Variants in TRIP11 observed in about 807,000 individuals in gnomAD.
TRIP11 encodes the protein thyroid hormone receptor interactor 11.
TRIP11 carries 148 observed loss-of-function variants against 223.1 expected under a neutral mutation model. The observed-to-expected ratio is 0.66, with a 90% CI of 0.58 to 0.76. The LOEUF (loss-of-function observed/expected upper bound fraction) is 0.76. TRIP11 is among the 30% of genes least tolerant of loss of function. The probability of loss-of-function intolerance (pLI) is 0.00; values close to 1 mark genes in which losing one functional copy is unlikely to be tolerated. For synonymous variants in TRIP11, 762 were observed against 772.6 expected (o/e 0.99, Z 0.23); for missense variants, 2,043 against 2,222.0 (o/e 0.92, Z 1.62).
intron 15 of TRIP11, 142 bp from the exon 16 acceptor site, chr14:91,988,525 A>G (rs2056631667): frequency 1.7e-5 from 12 of 687,550 alleles, no homozygotes; most frequent in South Asian, 1.7e-4. Flanking sequence ...TATCCAACCA[A>G]TAAGTATCAA....
Position 92,003,428 on chromosome 14 carries a change from C to T in TRIP11, c.4548G>A (p.Glu1516=). ...TCCATCCAGAACACACCTGTTCTTTCTCTTTCAATAGCTGTTCAAAAGCAA... is the reference window on the plus strand; with the variant it reads ...TCCATCCAGAACACACCTGTTCTTTTTCTTTCAATAGCTGTTCAAAAGCAA... ...KALAFEQLLK[E]KEQGKTGELN... is the part of the protein sequence containing the mutation. Residue 1516 remains glutamate, a synonymous_variant, in exon 11 of 21, where the codon GAG becomes GAA. Coordinates refer to ENST00000267622, the MANE Select transcript of TRIP11 (RefSeq NM_004239.4). 2 of 1,613,340 alleles carry T rather than the reference C, an allele frequency of 1.2e-6. No homozygotes were observed. The highest frequency in any genetic ancestry group is 1.7e-6 in the Non-Finnish European group (2 of 1,180,002).
chr14:92,007,376 T>C lies in TRIP11; in HGVS notation c.1527+264A>G, dbSNP rs1035052065. Among the ~76,000 whole-genome samples, 25 of 152,220 alleles carry C rather than the reference T, an allele frequency of 1.6e-4. 1 individual carries two copies. On this transcript the variant is annotated intron_variant, in intron 10 of 20. Transcript: ENST00000267622. ...AGTAAGAGTCAACGAACTATAGCCA[T>C]TGGCCAACTCAGGGATGCTGCCTGT... is the stretch of plus-strand genomic sequence containing the variant.
At chr14:92,011,505 A>AC (rs1425602853) in intron 8 of TRIP11, among the ~76,000 whole-genome samples, 2 of 150,768 alleles carry the variant, frequency 1.3e-5, no homozygotes, top group African/African-American at 4.8e-5. Context: ...AAAAAAAAAA[A>AC]AAAAGAATGC....
chr14:91,994,077 T>A (rs2056716601), intron 14 of TRIP11, among the ~76,000 whole-genome samples, 165 bp from the exon 15 acceptor site: 1 of 152,148 alleles, frequency 6.6e-6, no homozygotes, highest in Admixed American at 6.5e-5. Context: ...ACTAATGAGA[T>A]CACTTTCCTC....
At position 92,015,469 on chromosome 14, in the gene TRIP11, G is replaced by A. The variant is rs1414774406; in HGVS notation, c.823+227C>T. ...AGATCACGAGTTTGGGACCAGCCTG[G>A]CCAATATGGCGAAACCCTATTGCTA... On this transcript the variant is annotated intron_variant, in intron 6 of 20. Coordinates refer to ENST00000267622, the MANE Select transcript of TRIP11 (RefSeq NM_004239.4). Among the ~76,000 whole-genome samples, 7 of 151,920 alleles carry A rather than the reference G, an allele frequency of 4.6e-5. No homozygotes were observed. The East Asian group carries it at 1.4e-3, about 30-fold the overall frequency.
Position 92,009,346 on chromosome 14 carries a change from T to C in TRIP11, c.1315-1494A>G, listed in dbSNP as rs2140123404. ...CCACACTCGGCCCTCATAGGCACTT[T>C]TGGTATTCTTAATCAGTAAGCAGAC... On this transcript the variant is annotated intron_variant, in intron 9 of 20. Coordinates refer to ENST00000267622, the MANE Select transcript of TRIP11 (RefSeq NM_004239.4). Among the ~76,000 whole-genome samples the C allele has an allele frequency of 1.3e-5, 2 of 152,228 alleles. 1 individual carries two copies. The highest frequency in any genetic ancestry group is 6.8e-3 in the Middle Eastern group (2 of 294).
intron 1 of TRIP11, 46 bp from the exon 2 acceptor site, chr14:92,033,299 G>C (rs748585101): frequency 2.1e-6 from 3 of 1,418,698 alleles, no homozygotes; most frequent in Non-Finnish European, 3.0e-6. Flanking sequence ...AATACCATAT[G>C]AAGTAATAAA....
At chr14:91,990,160 C>G (rs1184625124) in intron 15 of TRIP11, among the ~76,000 whole-genome samples, 2 of 148,786 alleles carry the variant, frequency 1.3e-5, no homozygotes, top group Non-Finnish European at 3.0e-5. Flanking sequence ...GGGGCTGAAA[C>G]CTGATTGATA....
rs1299642028 is a variant in TRIP11, at chr14:92,004,966, T to C, written c.3010A>G (p.Ile1004Val). Residue 1004 changes from isoleucine to valine, a missense_variant, in exon 11 of 21, where the codon ATA becomes GTA. By Grantham distance (29) the Ile-to-Val change is conservative (BLOSUM62 3). Coordinates refer to ENST00000267622, the MANE Select transcript of TRIP11 (RefSeq NM_004239.4). Reference protein sequence around the residue: ...FQETKVQSLNIENGSEKHDLS... With the variant: ...FQETKVQSLNVENGSEKHDLS... ...TCATGCTTTTCACTTCCATTTTCTA[T>C]ATTAAGGCTCTGAACTTTTGTTTCT... is the stretch of plus-strand genomic sequence containing the variant. 6 of 1,613,882 alleles carry C rather than the reference T, an allele frequency of 3.7e-6. No homozygotes were observed. Among genetic ancestry groups the C allele is most frequent in the Admixed American group, 1.7e-5 (1 of 59,972 alleles).
chr14:91,984,594 G>A (rs1473747125), intron 16 of TRIP11, among the ~76,000 whole-genome samples: 1 of 152,132 alleles, frequency 6.6e-6, no homozygotes, highest in Non-Finnish European at 1.5e-5. Context: ...GGGATTACAG[G>A]TGTGAGCCAC....
At chr14:92,008,015 C>T (rs1167935059) in intron 9 of TRIP11, among the ~76,000 whole-genome samples, 163 bp from the exon 10 acceptor site, 2 of 151,810 alleles carry the variant, frequency 1.3e-5, no homozygotes, top group Non-Finnish European at 2.9e-5. Flanking sequence ...CAACAAACCA[C>T]ATCCTTCATT....
intron 3 of TRIP11, among the ~76,000 whole-genome samples, chr14:92,022,396 C>A (rs978167007): frequency 1.3e-5 from 2 of 152,162 alleles, no homozygotes; most frequent in African/African-American, 2.4e-5. Context: ...AAACAGTGAG[C>A]CCATGGTTAT....
intron 10 of TRIP11, among the ~76,000 whole-genome samples, chr14:92,006,841 T>G (rs562887094): frequency 6.6e-6 from 1 of 151,730 alleles, no homozygotes; most frequent in South Asian, 2.1e-4. Context: ...GCTAATTTTG[T>G]ATTTTTAGTA....
In TRIP11 at chr14:92,039,627, C is replaced by A. The variant is rs775582749; in HGVS notation, c.59G>T (p.Gly20Val). ...SGLGQSLGQVGGSLASLTGQI... is the reference protein window; with the variant it reads ...SGLGQSLGQVVGSLASLTGQI... ...GCCAGTGAGGGAAGCCAGGCTGCCCCCGACTTGACCCAGAGACTGGCCCAA... is the reference window on the plus strand; with the variant it reads ...GCCAGTGAGGGAAGCCAGGCTGCCCACGACTTGACCCAGAGACTGGCCCAA... The change falls in exon 1 of 21, where the codon GGG (glycine) becomes GTG (valine). Residue 20 changes from glycine (G) to valine (V), a missense_variant. Coordinates refer to ENST00000267622, the MANE Select transcript of TRIP11 (RefSeq NM_004239.4). 2 of 1,612,558 alleles carry A rather than the reference C, an allele frequency of 1.2e-6. No homozygotes were observed. Among genetic ancestry groups the A allele is most frequent in the African/African-American group, 2.7e-5 (2 of 74,914 alleles).
chr14:91,984,296 T>C (rs1467960543), intron 16 of TRIP11, among the ~76,000 whole-genome samples: 2 of 150,818 alleles, frequency 1.3e-5, no homozygotes, highest in African/African-American at 2.4e-5. Flanking sequence ...TTTCAATTTA[T>C]CCAATCATTT....
Position 92,014,577 on chromosome 14 carries a change from C to A in TRIP11, c.824G>T (p.Gly275Val), listed in dbSNP as rs2057012699. 6.2e-7 allele frequency: 1 copy of A among 1,601,882 alleles called. No individual in the cohort carries two copies. The highest frequency in any genetic ancestry group is 1.3e-5 in the African/African-American group (1 of 74,388). ...ATCAGTTTCTATAACTCCAGAGCCA[C>A]CTAGAACATAAACACAAAACAATGA... The part of the protein sequence containing the change: ...IEELENLLQQ[G>V]GSGVIETDLS... Residue 275 changes from glycine (G) to valine (V), a missense_variant and splice_region_variant, in exon 7 of 21, where the codon GGT becomes GTT. Transcript: ENST00000267622.
rs757054788 is a variant in TRIP11, at chr14:91,999,296, T to C, written c.4836A>G (p.Lys1612=). ...CTAGCTTTTCCTCCAATACTGTGAC[T>C]TTCTTTCTTAGTTTAGCCTCTCTAT... ...AEDREAKLRK[K]VTVLEEKLVS... is the part of the protein sequence containing the mutation. Residue 1612 remains lysine (K), a synonymous_variant, in exon 13 of 21, where the codon AAA becomes AAG. Coordinates refer to ENST00000267622, the MANE Select transcript of TRIP11 (RefSeq NM_004239.4). 2 of 1,613,926 alleles carry C rather than the reference T, an allele frequency of 1.2e-6. No homozygotes were observed. The highest frequency in any genetic ancestry group is 1.7e-4 in the Middle Eastern group (1 of 6,050).
chr14:92,032,147 T>A (rs568306016), intron 2 of TRIP11, among the ~76,000 whole-genome samples: 120 of 152,266 alleles, frequency 7.9e-4, no homozygotes, highest in African/African-American at 2.8e-3. Context: ...GCTATTCCTG[T>A]ATCCTTTTTT....
At chr14:91,993,524 A>G (rs944968951) in intron 15 of TRIP11, among the ~76,000 whole-genome samples, 9 of 150,692 alleles carry the variant, frequency 6.0e-5, no homozygotes, top group Middle Eastern at 3.5e-3. Context: ...AAGTTAAATT[A>G]TAGATTAATT....
Sources: allele counts gnomAD v4.1 joint callset (sites outside exome capture counted in the v4.1 genomes callset), GRCh38; gene constraint gnomAD v4.1.1; transcripts MANE v1.5; gene names NCBI Gene and HGNC (gene_info 2026-07-23, HGNC 2026-07-21).